The following TWIST2 variants were observed in gnomAD, a reference collection of about 807,000 sequenced individuals.
TWIST2 encodes twist family bHLH transcription factor 2.
Under a neutral mutation model 11.6 loss-of-function variants are expected in TWIST2, and 1 was observed. The ratio of observed to expected loss-of-function variants is 0.09; its 90% CI spans 0.03 to 0.41. The LOEUF (loss-of-function observed/expected upper bound fraction) is 0.41, where lower values mean the gene tolerates loss of function less well. Among genes scored for constraint, TWIST2 ranks in the 10% least tolerant of loss-of-function variants. The pLI is 0.98. For synonymous variants in TWIST2, 87 were observed against 96.6 expected (o/e 0.90, Z 0.58); for missense variants, 168 against 226.4 (o/e 0.74, Z 1.66).
chr2:238,905,512 G>A (rs1693329495), intron 1 of TWIST2, among the ~76,000 whole-genome samples: 1 of 152,120 alleles, frequency 6.6e-6, no homozygotes, highest in Non-Finnish European at 1.5e-5. Flanking sequence ...TGAACCTGCC[G>A]CCCGTTTCTG....
At chr2:238,852,417 C>T (rs1054423360) in intron 1 of TWIST2, among the ~76,000 whole-genome samples, 1 of 152,072 alleles carries the variant, frequency 6.6e-6, no homozygotes, top group African/African-American at 2.4e-5. Context: ...AAACCAAATA[C>T]AGAACTCTCC....
At position 238,857,414 on chromosome 2, in the gene TWIST2, C is replaced by A. The variant is rs141532133; in HGVS notation, c.*35+8681C>A. Among the ~76,000 whole-genome samples the A allele has an allele frequency of 6.2e-3, 948 of 152,270 alleles. 13 individuals are homozygous for A. The highest frequency in any genetic ancestry group is 0.022 in the African/African-American group (895 of 41,554). ...AGTGGTAACTCAGCATTGATTTCCT[C>A]CCCCTGGATTTAATAGCGATAGATC... On this transcript the variant is annotated intron_variant, in intron 1 of 1. Transcript: ENST00000612363.
At chr2:238,854,142 T>G (rs1692290450) in intron 1 of TWIST2, among the ~76,000 whole-genome samples, 1 of 152,210 alleles carries the variant, frequency 6.6e-6, no homozygotes, top group Non-Finnish European at 1.5e-5. Context: ...AGATTTTCCC[T>G]TCACTGAAAT....
At chr2:238,903,628 G>T (rs1382260412) in intron 1 of TWIST2, among the ~76,000 whole-genome samples, 1 of 143,938 alleles carries the variant, frequency 6.9e-6, no homozygotes, top group South Asian at 2.3e-4. Context: ...TGTGATGTGA[G>T]GTGTGTGTGT....
intron 1 of TWIST2, among the ~76,000 whole-genome samples, chr2:238,881,500 A>T (rs191907265): frequency 2.6e-4 from 39 of 152,020 alleles, no homozygotes; most frequent in African/African-American, 9.4e-4. Flanking sequence ...TGTTAGTATT[A>T]ATGTTGGTGT....
At chr2:238,905,655 T>A (rs1010086935) in intron 1 of TWIST2, among the ~76,000 whole-genome samples, 11 of 152,200 alleles carry the variant, frequency 7.2e-5, no homozygotes, top group Non-Finnish European at 1.5e-4. Context: ...TCAGCTCATA[T>A]ATCAAAAGCT....
chr2:238,907,081 G>A (rs1227216898), intron 1 of TWIST2, among the ~76,000 whole-genome samples: 2 of 152,198 alleles, frequency 1.3e-5, no homozygotes, highest in African/African-American at 2.4e-5. Flanking sequence ...TAGAGCTCAG[G>A]TCTCCTGGCA....
intron 1 of TWIST2, among the ~76,000 whole-genome samples, chr2:238,883,896 C>T (rs36086021): frequency 0.15 from 23,154 of 152,180 alleles, 2,382 homozygotes; most frequent in Middle Eastern, 0.25. Context: ...AATTCATGGC[C>T]GATCAGAGTC....
At chr2:238,871,172 C>CCACACACCCCACACACACCACACAA (rs1559274787) in intron 1 of TWIST2, among the ~76,000 whole-genome samples, 3 of 15,168 alleles carry the variant, frequency 2.0e-4, no homozygotes, top group Admixed American at 7.5e-4. Flanking sequence ...CCCACACACA[C>CCACACACCCCACACACACCACACAA]ACCACACACC....
intron 1 of TWIST2, among the ~76,000 whole-genome samples, chr2:238,880,148 TGTTA>T (rs1465629996): frequency 3.3e-5 from 5 of 152,172 alleles, no homozygotes; most frequent in East Asian, 1.9e-4. Flanking sequence ...TTAGTGTTAG[TGTTA>T]GTATTTATTG....
chr2:238,901,266 C>T (rs981791733), intron 1 of TWIST2, among the ~76,000 whole-genome samples: 4 of 152,316 alleles, frequency 2.6e-5, no homozygotes, highest in Non-Finnish European at 4.4e-5. Context: ...TGTGAGCCAC[C>T]GTGCCGGCCT....
At chr2:238,851,513 ATCT>A (rs1692240748) in intron 1 of TWIST2, among the ~76,000 whole-genome samples, 1 of 152,134 alleles carries the variant, frequency 6.6e-6, no homozygotes, top group Non-Finnish European at 1.5e-5. Flanking sequence ...TAAAGAAAAC[ATCT>A]TCTCTAACTT....
At chr2:238,886,192 C>T (rs374359598) in intron 1 of TWIST2, among the ~76,000 whole-genome samples, 20 of 152,136 alleles carry the variant, frequency 1.3e-4, no homozygotes, top group African/African-American at 4.1e-4. Context: ...ACAGCTCCCA[C>T]GATGACTGCC....
chr2:238,869,185 A>AAGTGC (rs1163503584), intron 1 of TWIST2, among the ~76,000 whole-genome samples: 2 of 152,202 alleles, frequency 1.3e-5, no homozygotes, highest in African/African-American at 4.8e-5. Context: ...AAATAGGTCC[A>AAGTGC]AGTGCGGTGA....
Position 238,867,810 on chromosome 2 carries a change from G to C in TWIST2, c.*35+19077G>C, listed in dbSNP as rs946266405. Among the ~76,000 whole-genome samples, 1 of 152,220 alleles carries C rather than the reference G, an allele frequency of 6.6e-6. No individual in the cohort carries two copies. Among genetic ancestry groups the C allele is most frequent in the African/African-American group, 2.4e-5 (1 of 41,468 alleles). ...GCCAGGAGGGAAGCAGCCGTTCCCA[G>C]AGCTGAGGGGCATCCCTCGAAGGCG... On this transcript the variant is annotated intron_variant, in intron 1 of 1. Transcript: ENST00000612363. This position sits in a 1 kb window ranked among gnomAD's most constrained non-coding sequence, Gnocchi z 4.8.
chr2:238,906,498 G>A (rs888817176), intron 1 of TWIST2, among the ~76,000 whole-genome samples: 3 of 152,014 alleles, frequency 2.0e-5, no homozygotes, highest in Non-Finnish European at 4.4e-5. Context: ...ACTCATGGAT[G>A]CACATGCTCA....
chr2:238,879,602 G>A (rs1014948950), intron 1 of TWIST2, among the ~76,000 whole-genome samples: 31 of 152,260 alleles, frequency 2.0e-4, no homozygotes, highest in South Asian at 6.2e-4. Context: ...GAAGGCATGC[G>A]CTGCAAATCA....
At position 238,867,722 on chromosome 2, in the gene TWIST2, G is replaced by C. The variant is rs1183548146; in HGVS notation, c.*35+18989G>C. Among the ~76,000 whole-genome samples the C allele has an allele frequency of 6.6e-6, 1 of 152,192 alleles. No homozygotes were observed. Among genetic ancestry groups the C allele is most frequent in the Non-Finnish European group, 1.5e-5 (1 of 68,042 alleles). The stretch of plus-strand genomic sequence containing the variant: ...GGAACCCTTAGGTATTGAGTGCCCT[G>C]AAACTAGAAACTGAAAAGGCAGTCA... On this transcript the variant is annotated intron_variant, in intron 1 of 1. Coordinates refer to ENST00000612363, the MANE Select transcript of TWIST2 (RefSeq NM_001271893.4). This position sits in a 1 kb window ranked among gnomAD's most constrained non-coding sequence, Gnocchi z 4.8.
intron 1 of TWIST2, among the ~76,000 whole-genome samples, chr2:238,905,006 A>AAAGG (rs1210484214): frequency 1.4e-4 from 22 of 151,752 alleles, no homozygotes; most frequent in East Asian, 1.9e-4. Flanking sequence ...GAAAGAAAAG[A>AAAGG]AAGGAAGGAA....
Sources: allele counts gnomAD v4.1 joint callset (sites outside exome capture counted in the v4.1 genomes callset), GRCh38; gene constraint gnomAD v4.1.1; non-coding constraint Gnocchi (gnomAD v3.1); transcripts MANE v1.5; gene names NCBI Gene and HGNC (gene_info 2026-07-23, HGNC 2026-07-21).